CADM1: variants seen among roughly 807,000 people sequenced by gnomAD.
CADM1 encodes cell adhesion molecule 1.
A neutral mutation model predicts 53.1 loss-of-function variants in CADM1; 15 were observed. The ratio of observed to expected loss-of-function variants is 0.28; its 90% CI spans 0.19 to 0.44. CADM1 has a LOEUF of 0.44. Among genes scored for constraint, CADM1 ranks in the 20% least tolerant of loss-of-function variants. The probability of loss-of-function intolerance (pLI) is 1.00; values close to 1 mark genes in which losing one functional copy is unlikely to be tolerated. For missense variants in CADM1, 434 were observed against 611.3 expected (o/e 0.71, Z 3.06); for synonymous variants, 281 against 243.0 (o/e 1.16, Z -1.45).
intron 1 of CADM1, among the ~76,000 whole-genome samples, chr11:115,456,724 T>C (rs1948691093): frequency 6.6e-6 from 1 of 152,142 alleles, no homozygotes; most frequent in African/African-American, 2.4e-5. Context: ...GAGACAGTAA[T>C]CCCTGTCTGC....
chr11:115,201,327 T>C (rs574319964), intron 8 of CADM1, among the ~76,000 whole-genome samples: 2 of 152,268 alleles, frequency 1.3e-5, no homozygotes, highest in South Asian at 4.1e-4. Context: ...ACAGAGGTTA[T>C]TTTCAAGTAA....
chr11:115,351,828 C>T (rs1945745178), intron 1 of CADM1, among the ~76,000 whole-genome samples: 1 of 152,170 alleles, frequency 6.6e-6, no homozygotes, highest in Admixed American at 6.5e-5. Context: ...TCTTCCTGCA[C>T]TGCTCCCAAG....
At chr11:115,179,317 C>T (rs761546403) in intron 10 of CADM1, among the ~76,000 whole-genome samples, 1 of 152,232 alleles carries the variant, frequency 6.6e-6, no homozygotes, top group Non-Finnish European at 1.5e-5. Flanking sequence ...AGGCTTGCTA[C>T]ATTTAGGATG....
At chr11:115,454,740 T>C (rs1948647444) in intron 1 of CADM1, among the ~76,000 whole-genome samples, 1 of 152,190 alleles carries the variant, frequency 6.6e-6, no homozygotes, top group Non-Finnish European at 1.5e-5. Flanking sequence ...GTGCAGCCAA[T>C]AAGGCTTTGG....
intron 1 of CADM1, among the ~76,000 whole-genome samples, chr11:115,384,349 T>C (rs1311830553): frequency 6.6e-6 from 1 of 152,108 alleles, no homozygotes; most frequent in Non-Finnish European, 1.5e-5. Flanking sequence ...CCATTTGCAG[T>C]GAGAGGGCAA....
At chr11:115,221,932 G>T (rs1471142483) in intron 5 of CADM1, among the ~76,000 whole-genome samples, 1 of 152,152 alleles carries the variant, frequency 6.6e-6, no homozygotes, top group Non-Finnish European at 1.5e-5. Flanking sequence ...ATCAGGAAAT[G>T]CAGGTGTCAT....
rs1439730216 is a variant in CADM1, at chr11:115,453,763, CT to C, written c.124+50507del. On this transcript the variant is annotated intron_variant, in intron 1 of 11. Transcript: ENST00000331581. ...ATCTGCCCACCTCGCCCTCCCAAAA[CT>C]TACTTTCTTATCACAAATCCAAGTC... 2.6e-5 allele frequency among the ~76,000 whole-genome samples: 4 copies of C among 152,204 alleles called. No individual in the cohort carries two copies. The East Asian group carries it at 7.7e-4, about 29-fold the overall frequency.
chr11:115,396,150 T>A (rs1471258326), intron 1 of CADM1, among the ~76,000 whole-genome samples: 1 of 152,248 alleles, frequency 6.6e-6, no homozygotes, highest in Non-Finnish European at 1.5e-5. Context: ...CTACAAAATT[T>A]GACTTCAAAG....
chr11:115,226,676 G>C (rs1486089989), intron 5 of CADM1, among the ~76,000 whole-genome samples: 1 of 152,142 alleles, frequency 6.6e-6, no homozygotes, highest in East Asian at 1.9e-4. Context: ...GGACGGCTGT[G>C]GGGGGCACTG....
chr11:115,293,876 T>C (rs1296799084), intron 1 of CADM1, among the ~76,000 whole-genome samples: 3 of 152,230 alleles, frequency 2.0e-5, no homozygotes, highest in Non-Finnish European at 4.4e-5. Context: ...TCTATATAAA[T>C]GATCTTCAGA....
chr11:115,318,579 T>G (rs766172631), intron 1 of CADM1, among the ~76,000 whole-genome samples: 1 of 152,170 alleles, frequency 6.6e-6, no homozygotes, highest in Non-Finnish European at 1.5e-5. Flanking sequence ...TCAGACTACA[T>G]GAAGACATGA....
intron 1 of CADM1, among the ~76,000 whole-genome samples, chr11:115,381,877 G>A (rs748941545): frequency 5.3e-5 from 8 of 151,942 alleles, no homozygotes; most frequent in South Asian, 2.1e-4. Context: ...CAGAAGTCTC[G>A]CTCTGACACC....
At chr11:115,271,851 G>A (rs537967809) in intron 1 of CADM1, among the ~76,000 whole-genome samples, 1 of 152,308 alleles carries the variant, frequency 6.6e-6, no homozygotes, top group East Asian at 1.9e-4. Context: ...AAGATCCACT[G>A]AGATGTGGTA....
intron 1 of CADM1, among the ~76,000 whole-genome samples, chr11:115,490,040 G>A (rs1302799252): frequency 2.6e-5 from 4 of 152,198 alleles, no homozygotes. Flanking sequence ...CACTGAAAGA[G>A]GGTAAGCCTC....
At chr11:115,225,711 T>C (rs10891812) in intron 5 of CADM1, among the ~76,000 whole-genome samples, 79,985 of 152,072 alleles carry the variant, frequency 0.53, 21,538 homozygotes, top group Admixed American at 0.56. Context: ...CAACACTTCC[T>C]TTCTTTTTAT....
At chr11:115,429,225 G>C (rs1947975745) in intron 1 of CADM1, among the ~76,000 whole-genome samples, 1 of 151,990 alleles carries the variant, frequency 6.6e-6, no homozygotes, top group African/African-American at 2.4e-5. Flanking sequence ...AAAAATTGCT[G>C]AGAACTAAAA....
chr11:115,436,166 T>G (rs569272507), intron 1 of CADM1, among the ~76,000 whole-genome samples: 2 of 152,296 alleles, frequency 1.3e-5, no homozygotes, highest in South Asian at 2.1e-4. Flanking sequence ...AATACACACA[T>G]ACATACATAT....
chr11:115,355,392 C>T (rs1020590634), intron 1 of CADM1, among the ~76,000 whole-genome samples: 4 of 152,018 alleles, frequency 2.6e-5, no homozygotes, highest in Non-Finnish European at 4.4e-5. Context: ...TCTCACTCAT[C>T]AGTAGGAGCA....
At chr11:115,364,556 G>GAA (rs34213884) in intron 1 of CADM1, among the ~76,000 whole-genome samples, 17,264 of 149,666 alleles carry the variant, frequency 0.12, 1,273 homozygotes, top group South Asian at 0.17. Context: ...GCACTAGGAA[G>GAA]AAAAAAAAAA....
Sources: gnomAD v4.1 joint callset for allele counts (sites outside exome capture counted in the v4.1 genomes callset) on GRCh38, gnomAD v4.1.1 for gene constraint, MANE v1.5 for transcripts, NCBI Gene and HGNC (gene_info 2026-07-23, HGNC 2026-07-21) for gene names.